The following VAC14 variants were observed in gnomAD, a reference collection of about 807,000 sequenced individuals.
VAC14 encodes protein VAC14 homolog.
Under a neutral mutation model 85.3 loss-of-function variants are expected in VAC14, and 47 were observed. The ratio of observed to expected loss-of-function variants is 0.55; its 90% CI spans 0.44 to 0.70. VAC14 has a LOEUF of 0.70. VAC14 is among the 30% of genes least tolerant of loss of function. The probability of loss-of-function intolerance (pLI) is 0.00; values close to 1 mark genes in which losing one functional copy is unlikely to be tolerated. For missense variants in VAC14, 861 were observed against 1,004.3 expected (o/e 0.86, Z 1.93); for synonymous variants, 447 against 430.5 (o/e 1.04, Z -0.47).
chr16:70,763,175 CA>C, intron 10 of VAC14, 150 bp from the exon 11 acceptor site: 1 of 1,172,930 alleles, frequency 8.5e-7, no homozygotes, highest in Non-Finnish European at 1.2e-6. Context: ...AACCTGATCC[CA>C]CACATCCTTG....
At chr16:70,733,419 T>TTA (rs1200471386) in intron 13 of VAC14, among the ~76,000 whole-genome samples, 2 of 152,182 alleles carry the variant, frequency 1.3e-5, no homozygotes, top group African/African-American at 4.8e-5. Flanking sequence ...TGTTGATTTT[T>TTA]TTTTTTTGAG....
At chr16:70,692,285 T>C (rs1448049174) in intron 18 of VAC14, among the ~76,000 whole-genome samples, 1 of 151,586 alleles carries the variant, frequency 6.6e-6, no homozygotes, top group Non-Finnish European at 1.5e-5. Flanking sequence ...GCCTTGAGTG[T>C]ACCCCTGCCT....
chr16:70,781,676 G>A (rs1404652260), intron 8 of VAC14, among the ~76,000 whole-genome samples, 193 bp downstream of exon 8: 1 of 152,094 alleles, frequency 6.6e-6, no homozygotes, highest in Non-Finnish European at 1.5e-5. Flanking sequence ...CAAGGTGTGG[G>A]GACAGCCAGC....
chr16:70,780,960 A>T lies in VAC14; in HGVS notation c.947-21T>A, dbSNP rs368543307. On this transcript the variant is annotated intron_variant, in intron 8 of 18. Transcript: ENST00000261776. ...GATGCCTGAGTCCACTGATGTAAGG[A>T]GCGTGATCTGATTTGGATGCCTGTC... is the stretch of plus-strand genomic sequence containing the variant. 3.8e-4 allele frequency: 617 copies of T among 1,613,646 alleles called. 3 individuals are homozygous for T. Among genetic ancestry groups the T allele is most frequent in the South Asian group, 1.8e-3 (164 of 90,944 alleles).
chr16:70,718,690 G>A (rs1181568525), intron 14 of VAC14, among the ~76,000 whole-genome samples: 1 of 151,996 alleles, frequency 6.6e-6, no homozygotes, highest in Non-Finnish European at 1.5e-5. Flanking sequence ...CTTTCCTTAG[G>A]TGTGCTGTTG....
At chr16:70,744,620 G>A in intron 12 of VAC14, 41 bp from the exon 13 acceptor site, 1 of 1,552,030 alleles carries the variant, frequency 6.4e-7, no homozygotes, top group South Asian at 1.3e-5. Flanking sequence ...GCTCTCCGCT[G>A]AGAGCTGTGC....
Position 70,695,964 on chromosome 16 carries a change from G to C in VAC14, c.1956-341C>G, listed in dbSNP as rs2053697970. The C allele has an allele frequency of 1.5e-5, 3 of 206,564 alleles. No homozygotes were observed. In the Admixed American group the frequency reaches 1.6e-4, roughly 11 times the overall value. 12.8% of individuals were successfully genotyped at this position (206,564 alleles called of 1,614,324 possible). ...CTGCCAGCAGGGCTGCAGCAAGCTT[G>C]CGGCACTGGGCAGTGGCCTGCCAGT... On this transcript the variant is annotated intron_variant, in intron 16 of 18. Coordinates refer to ENST00000261776, the MANE Select transcript of VAC14 (RefSeq NM_018052.5).
At chr16:70,700,821 C>T (rs1009367174) in intron 14 of VAC14, among the ~76,000 whole-genome samples, 1 of 152,180 alleles carries the variant, frequency 6.6e-6, no homozygotes, top group Non-Finnish European at 1.5e-5. Context: ...CACAAGTGCC[C>T]GTCGCCGGCA....
chr16:70,704,159 G>A (rs929059292), intron 14 of VAC14, among the ~76,000 whole-genome samples: 1 of 152,248 alleles, frequency 6.6e-6, no homozygotes, highest in African/African-American at 2.4e-5. Flanking sequence ...TGCTTCAGGT[G>A]AAACCTGGGC....
chr16:70,724,952 A>G (rs7203578), intron 14 of VAC14, among the ~76,000 whole-genome samples: 33,528 of 152,232 alleles, frequency 0.22, 4,361 homozygotes, highest in African/African-American at 0.36. Flanking sequence ...CTTCTAGCAA[A>G]CAGACTTAGG....
chr16:70,783,429 C>A lies in VAC14; in HGVS notation c.704+16G>T. 1 of 1,613,216 alleles carries A rather than the reference C, an allele frequency of 6.2e-7. No homozygotes were observed. Among genetic ancestry groups the A allele is most frequent in the Non-Finnish European group, 8.5e-7 (1 of 1,179,478 alleles). On this transcript the variant is annotated intron_variant, in intron 6 of 18. Coordinates refer to ENST00000261776, the MANE Select transcript of VAC14 (RefSeq NM_018052.5). ...GTGGCAGGAGGCAGCAGCTTCCTGC[C>A]CCTTACTCCACTCACATTTTGCGAA...
chr16:70,724,888 GGACTTAT>G (rs1408092896), intron 14 of VAC14, among the ~76,000 whole-genome samples: 1 of 152,230 alleles, frequency 6.6e-6, no homozygotes, highest in Non-Finnish European at 1.5e-5. Flanking sequence ...ATACGGCTAC[GGACTTAT>G]GAAAGATCAA....
chr16:70,690,022 A>G (rs11075780), intron 18 of VAC14: 570,581 of 985,296 alleles, frequency 0.58, 167,583 homozygotes, highest in Non-Finnish European at 0.6. Context: ...GTTGCTCCCC[A>G]TGACACTCCT....
chr16:70,795,376 C>T (rs756772486), intron 1 of VAC14, among the ~76,000 whole-genome samples: 10 of 151,784 alleles, frequency 6.6e-5, no homozygotes, highest in Non-Finnish European at 1.5e-4. Flanking sequence ...CGCCTGTAGT[C>T]CCAGCTACTA....
chr16:70,750,452 G>T (rs929018632), intron 12 of VAC14, among the ~76,000 whole-genome samples: 16 of 152,134 alleles, frequency 1.1e-4, no homozygotes, highest in Middle Eastern at 3.2e-3. Context: ...GACAGGCGGG[G>T]GTGGGGAAGG....
intron 13 of VAC14, among the ~76,000 whole-genome samples, chr16:70,735,487 A>G (rs2054721911): frequency 6.6e-6 from 1 of 152,236 alleles, no homozygotes; most frequent in Non-Finnish European, 1.5e-5. Flanking sequence ...AGGAAGCAGC[A>G]GCAAGACTCT....
At chr16:70,710,908 C>T (rs931707249) in intron 14 of VAC14, among the ~76,000 whole-genome samples, 3 of 152,264 alleles carry the variant, frequency 2.0e-5, no homozygotes, top group Non-Finnish European at 4.4e-5. Flanking sequence ...GTTCCCGTGG[C>T]AACTTTCCTT....
chr16:70,689,748 GC>G (rs1213703987), intron 18 of VAC14: 19 of 985,410 alleles, frequency 1.9e-5, no homozygotes, highest in Non-Finnish European at 2.2e-5. Flanking sequence ...GCTGGGCGGG[GC>G]CATTCTAGAG....
intron 12 of VAC14, among the ~76,000 whole-genome samples, chr16:70,750,383 G>T (rs2031282870): frequency 6.6e-6 from 1 of 152,062 alleles, no homozygotes; most frequent in Non-Finnish European, 1.5e-5. Flanking sequence ...AGAGAGGGAG[G>T]GAGGAAGGAC....
Sources: allele counts gnomAD v4.1 joint callset (sites outside exome capture counted in the v4.1 genomes callset), GRCh38; gene constraint gnomAD v4.1.1; transcripts MANE v1.5; gene names NCBI Gene and HGNC (gene_info 2026-07-23, HGNC 2026-07-21).